The following TEX11 variants were observed in gnomAD, a reference collection of about 807,000 sequenced individuals.
TEX11 encodes testis-expressed protein 11.
In TEX11, 7 loss-of-function variants were observed where a neutral mutation model predicts 84.4. The observed-to-expected ratio is 0.08, with a 90% confidence interval of 0.05 to 0.16. The LOEUF (loss-of-function observed/expected upper bound fraction) is 0.16, where lower values mean the gene tolerates loss of function less well. Among genes scored for constraint, TEX11 ranks in the 10% least tolerant of loss-of-function variants. The pLI is 1.00. For synonymous variants in TEX11, 264 were observed against 222.8 expected (o/e 1.18, Z -1.64); for missense variants, 551 against 660.5 (o/e 0.83, Z 1.82).
chrX:70,834,324 TAA>T (rs1005453765), intron 7 of TEX11, among the ~76,000 whole-genome samples: 15 of 111,954 alleles, frequency 1.3e-4, no homozygotes, highest in African/African-American at 4.9e-4. Context: ...TCCTCATCCA[TAA>T]AGTGAGGAGA....
At chrX:70,669,666 T>G (rs1311746052) in intron 16 of TEX11, among the ~76,000 whole-genome samples, 2 of 113,018 alleles carry the variant, frequency 1.8e-5, no homozygotes, top group East Asian at 5.5e-4. Flanking sequence ...ATCATTACCC[T>G]TAATCACCTA....
At chrX:70,897,189 T>TATATGTTATATATTATATATATATAAC (rs1484713624) in intron 2 of TEX11, among the ~76,000 whole-genome samples, 1 of 26,540 alleles carries the variant, frequency 3.8e-5, no homozygotes, top group Non-Finnish European at 1.8e-4. Context: ...TTATATATAA[T>TATATGTTATATATTATATATATATAAC]ATATGTTATA....
chrX:70,524,982 T>A (rs979568767), downstream of TEX11, among the ~76,000 whole-genome samples: 2 of 111,459 alleles, frequency 1.8e-5, no homozygotes, highest in Admixed American at 9.6e-5. Flanking sequence ...GAGACCAGTC[T>A]GGACAACATA....
At chrX:70,761,072 A>G (rs2090905659) in intron 9 of TEX11, among the ~76,000 whole-genome samples, 1 of 112,068 alleles carries the variant, frequency 8.9e-6, no homozygotes, top group Non-Finnish European at 1.9e-5. Flanking sequence ...GCCATCTCAC[A>G]CCAGTTAGAA....
chrX:70,724,122 A>G, intron 12 of TEX11: 1 of 753,152 alleles, frequency 1.3e-6, no homozygotes, highest in Non-Finnish European at 1.6e-6. Flanking sequence ...AAACTAATGT[A>G]CTTCAACTTG....
chrX:70,567,040 C>T (rs1354917385), intron 25 of TEX11, among the ~76,000 whole-genome samples: 1 of 111,123 alleles, frequency 9.0e-6, no homozygotes, highest in Non-Finnish European at 1.9e-5. Context: ...GTCCTGGGCT[C>T]TTTTTGGTTG....
At chrX:70,839,892 A>C (rs1264780037) in intron 7 of TEX11, among the ~76,000 whole-genome samples, 3 of 111,600 alleles carry the variant, frequency 2.7e-5, no homozygotes, top group Non-Finnish European at 3.8e-5. Flanking sequence ...GGTATCAGTG[A>C]TGGAAGATGA....
intron 28 of TEX11, among the ~76,000 whole-genome samples, chrX:70,549,711 C>T (rs2088188521): frequency 1.8e-5 from 2 of 111,882 alleles, no homozygotes; most frequent in African/African-American, 6.5e-5. Flanking sequence ...GTGGGAAGGA[C>T]TTTGTCTTGT....
At chrX:70,815,460 G>A (rs1004310447) in intron 8 of TEX11, among the ~76,000 whole-genome samples, 1 of 110,639 alleles carries the variant, frequency 9.0e-6, no homozygotes, top group African/African-American at 3.3e-5. Context: ...GGTTACCCAA[G>A]GAAAGAAGGG....
chrX:70,585,674 G>C (rs1163552262), intron 25 of TEX11, among the ~76,000 whole-genome samples: 1 of 112,140 alleles, frequency 8.9e-6, no homozygotes, highest in East Asian at 2.8e-4. Context: ...CAATAGAATA[G>C]AACTGAGAGT....
At chrX:70,881,005 CAAAA>C (rs11284342) in intron 2 of TEX11, among the ~76,000 whole-genome samples, 2 of 46,231 alleles carry the variant, frequency 4.3e-5, no homozygotes, top group South Asian at 1.4e-3. Flanking sequence ...AGACATCATC[CAAAA>C]AAAAAAAAAA....
At chrX:70,844,744 A>C (rs1399117547) in intron 7 of TEX11, among the ~76,000 whole-genome samples, 3 of 110,945 alleles carry the variant, frequency 2.7e-5, no homozygotes, top group Non-Finnish European at 5.7e-5. Flanking sequence ...ACATGGGGAA[A>C]CCCCCATCTC....
In TEX11 at chrX:70,634,573, A is replaced by G. The variant is rs769108022; in HGVS notation, c.1484-4838T>C. Among the ~76,000 whole-genome samples the G allele has an allele frequency of 9.9e-5, 11 of 111,405 alleles. No individual in the cohort carries two copies. In the East Asian group the frequency reaches 2.5e-3, roughly 26 times the overall value. ...GAATAGCGTAAGGATGGATGAATAG[A>G]AGAATGGAATGGAATAGAGTCCAGA... On this transcript the variant is annotated intron_variant, in intron 17 of 29. Coordinates refer to ENST00000374333, the MANE Select transcript of TEX11 (RefSeq NM_031276.3).
intron 1 of TEX11, among the ~76,000 whole-genome samples, chrX:70,908,190 C>T (rs1344670066): frequency 9.0e-6 from 1 of 111,685 alleles, no homozygotes; most frequent in African/African-American, 3.3e-5. Context: ...CCTTCAGTAT[C>T]CTGCCCCCAA....
Position 70,811,067 on chromosome X carries a change from G to A in TEX11, c.607-4277C>T, listed in dbSNP as rs751425878. Among the ~76,000 whole-genome samples the A allele has an allele frequency of 4.2e-3, 464 of 111,153 alleles. 2 individuals carry two copies. The highest frequency in any genetic ancestry group is 0.015 in the African/African-American group (444 of 30,568). ...ATACTTTAAGTTCTAGGGTACATGT[G>A]CACAACGTGCATGTTTGCTACATAT... On this transcript the variant is annotated intron_variant, in intron 8 of 29. Coordinates refer to ENST00000374333, the MANE Select transcript of TEX11 (RefSeq NM_031276.3).
chrX:70,544,096 CAGTG>C (rs1313097890), intron 28 of TEX11, among the ~76,000 whole-genome samples: 2 of 112,148 alleles, frequency 1.8e-5, no homozygotes, highest in African/African-American at 3.2e-5. Context: ...CTGGGTGAGT[CAGTG>C]AGTGAGTGGT....
At chrX:70,683,165 C>A (rs1176944771) in intron 13 of TEX11, among the ~76,000 whole-genome samples, 1 of 111,579 alleles carries the variant, frequency 9.0e-6, no homozygotes. Context: ...GAGAAATTTA[C>A]TAGTTCCTCG....
intron 15 of TEX11, among the ~76,000 whole-genome samples, chrX:70,676,840 T>G (rs751386290): frequency 2.7e-5 from 3 of 111,909 alleles, no homozygotes; most frequent in African/African-American, 9.7e-5. Flanking sequence ...CAGTCTTTTC[T>G]TCTACAATGT....
chrX:70,825,667 G>A (rs1029266822), intron 8 of TEX11, among the ~76,000 whole-genome samples: 16 of 112,171 alleles, frequency 1.4e-4, no homozygotes, highest in African/African-American at 5.2e-4. Context: ...AAGAATTGAC[G>A]AAATGTTTTT....
Sources: allele counts gnomAD v4.1 joint callset (sites outside exome capture counted in the v4.1 genomes callset), GRCh38; gene constraint gnomAD v4.1.1; transcripts MANE v1.5; gene names NCBI Gene and HGNC (gene_info 2026-07-23, HGNC 2026-07-21).